The following CCDC91 variants were observed in gnomAD, a reference collection of about 807,000 sequenced individuals.
CCDC91 encodes the protein coiled-coil domain containing 91.
A neutral mutation model predicts 63.2 loss-of-function variants in CCDC91; 48 were observed. The ratio of observed to expected loss-of-function variants is 0.76; its 90% CI spans 0.60 to 0.97. CCDC91 has a LOEUF of 0.97. Ranked by LOEUF, CCDC91 falls within the 50% of genes least tolerant of loss-of-function variation. The pLI is 0.00. For synonymous variants in CCDC91, 167 were observed against 165.8 expected (o/e 1.01, Z -0.06); for missense variants, 500 against 494.6 (o/e 1.01, Z -0.10).
intron 3 of CCDC91, among the ~76,000 whole-genome samples, chr12:28,275,050 A>G (rs1438863400): frequency 6.6e-6 from 1 of 152,160 alleles, no homozygotes; most frequent in African/African-American, 2.4e-5. Context: ...TAACATCACA[A>G]TTAAAAGATC....
At chr12:28,311,843 G>A (rs994901142) in intron 6 of CCDC91, among the ~76,000 whole-genome samples, 4 of 151,768 alleles carry the variant, frequency 2.6e-5, no homozygotes, top group African/African-American at 9.7e-5. Flanking sequence ...TGGGGCTTTT[G>A]TGCCTGTTGG....
chr12:28,235,478 C>CA (rs1944883516), intron 1 of CCDC91, among the ~76,000 whole-genome samples: 1 of 151,538 alleles, frequency 6.6e-6, no homozygotes, highest in Non-Finnish European at 1.5e-5. Flanking sequence ...GTAAAACTGA[C>CA]AAAGGATAGA....
chr12:28,486,233 T>C (rs1951718381), intron 12 of CCDC91, among the ~76,000 whole-genome samples: 1 of 152,200 alleles, frequency 6.6e-6, no homozygotes, highest in Non-Finnish European at 1.5e-5. Flanking sequence ...CCATGCAGTA[T>C]GTGTCTTTCT....
chr12:28,537,291 G>A (rs1304162596), intron 12 of CCDC91, among the ~76,000 whole-genome samples: 5 of 152,102 alleles, frequency 3.3e-5, no homozygotes, highest in African/African-American at 1.2e-4. Context: ...TATATGTTCA[G>A]GTAATAAGCA....
At chr12:28,346,366 A>G (rs1043578610) in intron 6 of CCDC91, among the ~76,000 whole-genome samples, 2 of 152,152 alleles carry the variant, frequency 1.3e-5, no homozygotes, top group African/African-American at 4.8e-5. Context: ...GGACTCTTGG[A>G]AATTTCCCTT....
chr12:28,523,081 C>G (rs1213259715), intron 12 of CCDC91, among the ~76,000 whole-genome samples: 1 of 152,122 alleles, frequency 6.6e-6, no homozygotes, highest in African/African-American at 2.4e-5. Flanking sequence ...CTGTAGATAT[C>G]TATTAGGTCC....
intron 8 of CCDC91, among the ~76,000 whole-genome samples, chr12:28,430,208 G>T (rs1362436016): frequency 6.6e-6 from 1 of 151,864 alleles, no homozygotes; most frequent in Non-Finnish European, 1.5e-5. Context: ...AAAGGTCAAG[G>T]CATCCCCCAA....
At chr12:28,513,968 G>T (rs976223833) in intron 12 of CCDC91, among the ~76,000 whole-genome samples, 3 of 151,838 alleles carry the variant, frequency 2.0e-5, no homozygotes, top group African/African-American at 7.2e-5. Context: ...TTTCCTTTGA[G>T]TGTATACCTA....
chr12:28,292,426 G>A (rs1235207398), intron 3 of CCDC91, among the ~76,000 whole-genome samples: 1 of 152,054 alleles, frequency 6.6e-6, no homozygotes, highest in Non-Finnish European at 1.5e-5. Context: ...ATTTCTTGGA[G>A]GTCATTTAAG....
chr12:28,264,284 A>C (rs939832630), intron 3 of CCDC91, among the ~76,000 whole-genome samples: 9 of 151,436 alleles, frequency 5.9e-5, no homozygotes, highest in African/African-American at 2.2e-4. Context: ...CCAAAGAAAA[A>C]TCATCTCCAA....
intron 3 of CCDC91, among the ~76,000 whole-genome samples, chr12:28,299,341 A>T (rs1467864621): frequency 1.3e-5 from 2 of 151,116 alleles, no homozygotes; most frequent in Non-Finnish European, 3.0e-5. Flanking sequence ...TATTCTCCTC[A>T]GTATTTATTT....
intron 1 of CCDC91, among the ~76,000 whole-genome samples, chr12:28,254,235 A>G (rs1354843108): frequency 6.6e-6 from 1 of 152,210 alleles, no homozygotes; most frequent in East Asian, 1.9e-4. Flanking sequence ...GAAAACTTTC[A>G]GCGTAGATTC....
intron 1 of CCDC91, among the ~76,000 whole-genome samples, chr12:28,218,481 A>G (rs1401894134): frequency 1.7e-4 from 25 of 149,510 alleles, no homozygotes; most frequent in African/African-American, 5.6e-4. Context: ...AAAATCACCA[A>G]TATTAAGTAT....
chr12:28,523,306 T>G (rs906843274), intron 12 of CCDC91, among the ~76,000 whole-genome samples: 1 of 152,240 alleles, frequency 6.6e-6, no homozygotes, highest in African/African-American at 2.4e-5. Flanking sequence ...TCTTGTTGAA[T>G]TGATCCCTTT....
rs772530662 is a variant in CCDC91, at chr12:28,305,719, C to A, written c.180C>A (p.Gly60=). ...VLDRDHSSSI[G]CLSSDAIISS... ...ACCGTGACCACTCTTCTTCCATTGG[C>A]TGCCTCTCTTCTGATGCCATTATTT... Residue 60 remains glycine, a synonymous_variant, in exon 4 of 13, where the codon GGC becomes GGA. Coordinates refer to ENST00000536442, the MANE Select transcript of CCDC91 (RefSeq NM_018318.5). The A allele has an allele frequency of 2.4e-5, 39 of 1,613,108 alleles. No homozygotes were observed. Among genetic ancestry groups the A allele is most frequent in the Non-Finnish European group, 3.1e-5 (36 of 1,179,392 alleles).
In CCDC91 at chr12:28,434,308, T is replaced by A. The variant is rs190492116; in HGVS notation, c.763-15853T>A. The stretch of plus-strand genomic sequence containing the variant: ...TGTTTTATAGTTCGATAATTTTTTT[T>A]AAAAAAATCATGAATACCGATTTTG... On this transcript the variant is annotated intron_variant, in intron 8 of 12. Coordinates refer to ENST00000536442, the MANE Select transcript of CCDC91 (RefSeq NM_018318.5). Among the ~76,000 whole-genome samples, 543 of 151,778 alleles carry A rather than the reference T, an allele frequency of 3.6e-3. 2 individuals are homozygous for A. Among genetic ancestry groups the A allele is most frequent in the South Asian group, 5.0e-3 (24 of 4,824 alleles).
chr12:28,273,740 G>T (rs1383504017), intron 3 of CCDC91, among the ~76,000 whole-genome samples: 1 of 151,968 alleles, frequency 6.6e-6, no homozygotes, highest in African/African-American at 2.4e-5. Flanking sequence ...CTGGATATTA[G>T]CCCTTTGTCA....
At chr12:28,516,208 TA>T (rs890340084) in intron 12 of CCDC91, among the ~76,000 whole-genome samples, 3 of 151,824 alleles carry the variant, frequency 2.0e-5, no homozygotes, top group African/African-American at 7.2e-5. Flanking sequence ...TTAATGATTT[TA>T]AAAAAAATCA....
At chr12:28,262,465 G>A (rs1474477814) in intron 3 of CCDC91, among the ~76,000 whole-genome samples, 2 of 151,954 alleles carry the variant, frequency 1.3e-5, no homozygotes, top group Admixed American at 6.6e-5. Flanking sequence ...TTCAGGACAG[G>A]CCAGTAGGTG....
Sources: gnomAD v4.1 joint callset for allele counts (sites outside exome capture counted in the v4.1 genomes callset) on GRCh38, gnomAD v4.1.1 for gene constraint, MANE v1.5 for transcripts, NCBI Gene and HGNC (gene_info 2026-07-23, HGNC 2026-07-21) for gene names.